SNAP47: variants seen among roughly 807,000 people sequenced by gnomAD.
The protein encoded by SNAP47 is synaptosome associated protein 47, also known as synaptosomal-associated protein 47.
SNAP47 carries 20 observed loss-of-function variants against 31.4 expected under a neutral mutation model. That is an observed-to-expected ratio of 0.64 (90% CI 0.45 to 0.93). SNAP47 has a LOEUF of 0.93. Ranked by LOEUF, SNAP47 falls within the 40% of genes least tolerant of loss-of-function variation. The pLI, the probability that SNAP47 is intolerant of heterozygous loss-of-function variation, is 0.00. For synonymous variants in SNAP47, 194 were observed against 213.4 expected, an observed-to-expected ratio of 0.91 and a Z score of 0.79; for missense variants, 492 against 528.5, an observed-to-expected ratio of 0.93 and a Z score of 0.68.
chr1:227,755,758 ACT>A (rs1170786295), intron 2 of SNAP47, among the ~76,000 whole-genome samples: 2 of 151,900 alleles, frequency 1.3e-5, no homozygotes, highest in Admixed American at 6.6e-5. Context: ...TTAGATAATA[ACT>A]CTTAACTAAA....
chr1:227,776,032 C>G (rs1467440222), intron 4 of SNAP47: 2 of 1,199,192 alleles, frequency 1.7e-6, no homozygotes, highest in Admixed American at 3.3e-5. Context: ...TGGCCATAAG[C>G]TGGCAGTGTC....
At chr1:227,773,835 C>T (rs918920474) in intron 4 of SNAP47, among the ~76,000 whole-genome samples, 2 of 152,200 alleles carry the variant, frequency 1.3e-5, no homozygotes, top group African/African-American at 4.8e-5. Flanking sequence ...TGTACTCTAG[C>T]GTTGTCCCAC....
intron 4 of SNAP47, among the ~76,000 whole-genome samples, chr1:227,780,066 A>C (rs1664374709): frequency 6.6e-6 from 1 of 152,178 alleles, no homozygotes; most frequent in South Asian, 2.1e-4. Context: ...TTCCCACTCC[A>C]GTCTGCAGTT....
intron 4 of SNAP47, among the ~76,000 whole-genome samples, chr1:227,767,336 C>T (rs1663480702): frequency 1.3e-5 from 2 of 152,332 alleles, no homozygotes; most frequent in South Asian, 4.1e-4. Context: ...CACAGCTGCC[C>T]TGGCTACCAC....
intron 4 of SNAP47, among the ~76,000 whole-genome samples, chr1:227,774,854 C>T (rs1283599636): frequency 6.6e-6 from 1 of 152,224 alleles, no homozygotes; most frequent in Non-Finnish European, 1.5e-5. Flanking sequence ...CTCAAGCACT[C>T]GGGTCTCTTA....
rs377090516 is a variant in SNAP47, at chr1:227,747,999, A to G, written c.263A>G (p.Asn88Ser). ...TTCAGCTCCCTGCGGCCAAGTCGAAATGTGGTCTTCAGCATCATCGAGCAT... is the reference window on the plus strand; with the variant it reads ...TTCAGCTCCCTGCGGCCAAGTCGAAGTGTGGTCTTCAGCATCATCGAGCAT... ...HWFSSLRPSR[N>S]VVFSIIEHFW... The change falls in exon 2 of 5, where the codon AAT becomes AGT. Residue 88 changes from asparagine to serine, a missense_variant. Physicochemically the swap from Asn to Ser is conservative, Grantham distance 46. Transcript: ENST00000617596. 5.0e-6 allele frequency: 8 copies of G among 1,614,238 alleles called. No homozygotes were observed. The highest frequency in any genetic ancestry group is 5.9e-6 in the Non-Finnish European group (7 of 1,180,042).
At chr1:227,767,167 C>T in intron 4 of SNAP47, 84 bp downstream of exon 4, 1 of 1,559,576 alleles carries the variant, frequency 6.4e-7, no homozygotes, top group South Asian at 1.2e-5. Context: ...TGATCACAAA[C>T]AAGCTCTGGG....
At position 227,780,581 on chromosome 1, in the gene SNAP47, C is replaced by G; in HGVS notation, c.1168C>G (p.Gln390Glu). Residue 390 changes from glutamine to glutamate, a missense_variant, in exon 5 of 5, where the codon CAA (glutamine) becomes GAA (glutamate). Coordinates refer to ENST00000617596, the MANE Select transcript of SNAP47 (RefSeq NM_053052.4). ...ALEAESELERQDEALDGVAAA... is the reference protein window; with the variant it reads ...ALEAESELEREDEALDGVAAA... ...GGAGGCCGAGAGTGAGCTGGAGAGA[C>G]AAGACGAAGCCCTGGATGGCGTTGC... The G allele has an allele frequency of 6.2e-7, 1 of 1,614,190 alleles. No homozygotes were observed. Among genetic ancestry groups the G allele is most frequent in the Non-Finnish European group, 8.5e-7 (1 of 1,180,028 alleles).
chr1:227,735,255 C>G, upstream of SNAP47: 3 of 1,602,960 alleles, frequency 1.9e-6, no homozygotes, highest in Non-Finnish European at 2.6e-6. Context: ...TCGGCGAGGG[C>G]GCGCGTCTCG....
In SNAP47 at chr1:227,736,741, T is replaced by C. The variant is rs1296238186; in HGVS notation, c.-46+1242T>C. Among the ~76,000 whole-genome samples the C allele has an allele frequency of 2.7e-5, 4 of 149,560 alleles. No homozygotes were observed. In the South Asian group the frequency reaches 8.5e-4, roughly 32 times the overall value. On this transcript the variant is annotated intron_variant, in intron 1 of 4. Coordinates refer to ENST00000617596, the MANE Select transcript of SNAP47 (RefSeq NM_053052.4). ...GTCTCTGTGTTGCCCAAGCCGGTGTTGAACGTTTGGGCTCAAGCAATCCTT... is the reference window on the plus strand; with the variant it reads ...GTCTCTGTGTTGCCCAAGCCGGTGTCGAACGTTTGGGCTCAAGCAATCCTT...
At chr1:227,732,952 C>T (rs1322071954), upstream of SNAP47, 5 of 1,613,288 alleles carry the variant, frequency 3.1e-6, no homozygotes, top group Non-Finnish European at 4.2e-6. Flanking sequence ...GCGCATAGCT[C>T]CTGCTGCAAG....
intron 1 of SNAP47, among the ~76,000 whole-genome samples, chr1:227,742,239 T>C (rs1352228008): frequency 2.0e-5 from 3 of 152,010 alleles, no homozygotes; most frequent in Non-Finnish European, 4.4e-5. Context: ...GTCCATGTGT[T>C]CTCATTGTTC....
intron 2 of SNAP47, among the ~76,000 whole-genome samples, chr1:227,749,392 CG>C (rs928673609): frequency 3.3e-5 from 5 of 152,216 alleles, no homozygotes; most frequent in African/African-American, 1.2e-4. Flanking sequence ...TTCTGGGATC[CG>C]GGGGTGCCCA....
At chr1:227,766,357 C>T (rs1663401781) in intron 3 of SNAP47, among the ~76,000 whole-genome samples, 1 of 152,234 alleles carries the variant, frequency 6.6e-6, no homozygotes, top group Non-Finnish European at 1.5e-5. Context: ...AAATAAAGGG[C>T]AGGTGGCCTC....
intron 2 of SNAP47, among the ~76,000 whole-genome samples, chr1:227,753,074 A>G (rs1202589542): frequency 6.6e-6 from 1 of 152,220 alleles, no homozygotes; most frequent in African/African-American, 2.4e-5. Flanking sequence ...CAAGCAAAGC[A>G]ATAATTGTGT....
intron 4 of SNAP47, among the ~76,000 whole-genome samples, chr1:227,779,027 C>T (rs1020135160): frequency 1.3e-5 from 2 of 152,214 alleles, no homozygotes; most frequent in Non-Finnish European, 2.9e-5. Flanking sequence ...CCTCAGCCCC[C>T]AACTCCCTGT....
chr1:227,769,775 G>C (rs1324619018), intron 4 of SNAP47, among the ~76,000 whole-genome samples: 3 of 152,176 alleles, frequency 2.0e-5, no homozygotes, highest in African/African-American at 7.2e-5. Context: ...TCTGTTGTCC[G>C]CTTCTCTTTG....
intron 4 of SNAP47, among the ~76,000 whole-genome samples, chr1:227,778,010 T>A (rs959036800): frequency 6.6e-6 from 1 of 152,248 alleles, no homozygotes; most frequent in African/African-American, 2.4e-5. Flanking sequence ...TAACTCAGCT[T>A]TCATTCAGGA....
At chr1:227,767,630 T>C (rs1663517949) in intron 4 of SNAP47, among the ~76,000 whole-genome samples, 1 of 152,110 alleles carries the variant, frequency 6.6e-6, no homozygotes, top group South Asian at 2.1e-4. Context: ...TATGCATGTA[T>C]ATGTGCTGTA....
Sources: gnomAD v4.1 joint callset for allele counts (sites outside exome capture counted in the v4.1 genomes callset) on GRCh38, gnomAD v4.1.1 for gene constraint, MANE v1.5 for transcripts, NCBI Gene and HGNC (gene_info 2026-07-23, HGNC 2026-07-21) for gene names.